TMEM53: variants seen among roughly 807,000 people sequenced by gnomAD.
The protein encoded by TMEM53 is transmembrane protein 53.
TMEM53 carries 14 observed loss-of-function variants against 21.4 expected under a neutral mutation model. The ratio of observed to expected loss-of-function variants is 0.65; its 90% confidence interval spans 0.43 to 1.02. The LOEUF is 1.02. Among genes scored for constraint, TMEM53 ranks in the 50% least tolerant of loss-of-function variants. The pLI is 0.00. For synonymous variants in TMEM53, 148 were observed against 157.4 expected (o/e 0.94, Z 0.45); for missense variants, 323 against 383.6 (o/e 0.84, Z 1.32).
chr1:44,658,121 T>C (rs2148530109), intron 2 of TMEM53, among the ~76,000 whole-genome samples: 2 of 152,154 alleles, frequency 1.3e-5, no homozygotes, highest in East Asian at 3.9e-4. Flanking sequence ...CATATCCATC[T>C]CTGGCCACTC....
chr1:44,654,702 T>A lies in TMEM53; in HGVS notation c.691A>T (p.Met231Leu), dbSNP rs1229809177. ...EVVLARDIER[M>L]VEARLARRVL... ...CGGCGTGCCAGGCGTGCCTCCACCA[T>A]GCGTTCTATGTCTCTGGCCAGGACT... Residue 231 changes from methionine (M) to leucine (L), a missense_variant, in exon 3 of 3, where the codon ATG (methionine) becomes TTG (leucine). By Grantham distance (15) the Met-to-Leu change is conservative. This residue lies in a region of TMEM53 where 269 missense variants were observed against 334.5 expected (regional missense o/e 0.80). Transcript: ENST00000372237. This position sits in a 1 kb window ranked among gnomAD's most constrained non-coding sequence, Gnocchi z 7.0. 1 of 1,614,000 alleles carries A rather than the reference T, an allele frequency of 6.2e-7. No homozygotes were observed. Among genetic ancestry groups the A allele is most frequent in the Non-Finnish European group, 8.5e-7 (1 of 1,179,992 alleles).
At chr1:44,660,927 T>C (rs1405733612) in intron 1 of TMEM53, among the ~76,000 whole-genome samples, 1 of 150,232 alleles carries the variant, frequency 6.7e-6, no homozygotes, top group East Asian at 2.0e-4. Context: ...GAGCCGAGAT[T>C]GAGCCACTGC....
chr1:44,662,963 C>T (rs1573225803), intron 1 of TMEM53, among the ~76,000 whole-genome samples: 1 of 152,220 alleles, frequency 6.6e-6, no homozygotes, highest in East Asian at 1.9e-4. Flanking sequence ...TGACTCTTCA[C>T]CCTCCATGAA....
chr1:44,669,128 AGTAATGCATACTCACT>A, intron 1 of TMEM53, among the ~76,000 whole-genome samples: 1 of 152,370 alleles, frequency 6.6e-6, no homozygotes, highest in East Asian at 1.9e-4. Context: ...TTACTTCACA[AGTAATGCATACTCACT>A]GTAGAAAAAG....
chr1:44,661,558 G>A (rs139785198), intron 1 of TMEM53, among the ~76,000 whole-genome samples: 4 of 152,226 alleles, frequency 2.6e-5, no homozygotes, highest in Non-Finnish European at 5.9e-5. Flanking sequence ...AGGGACATGA[G>A]GCTGACTCTG....
At chr1:44,671,624 T>C (rs1239927796) in intron 1 of TMEM53, among the ~76,000 whole-genome samples, 1 of 151,164 alleles carries the variant, frequency 6.6e-6, no homozygotes, top group Non-Finnish European at 1.5e-5. Flanking sequence ...TTTTTTAAAC[T>C]GAAAAAAAAA....
At chr1:44,666,954 C>G (rs1361680024) in intron 1 of TMEM53, among the ~76,000 whole-genome samples, 1 of 152,064 alleles carries the variant, frequency 6.6e-6, no homozygotes, top group Admixed American at 6.5e-5. Context: ...AAGCGATCCT[C>G]CCATCACAGC....
intron 1 of TMEM53, 29 bp downstream of exon 1, chr1:44,674,302 C>T: frequency 1.4e-5 from 23 of 1,594,668 alleles, no homozygotes; most frequent in Non-Finnish European, 1.9e-5. Context: ...GTCACCTCCC[C>T]GCGCCTGGAC....
In TMEM53 at chr1:44,674,345, G is replaced by A. The variant is rs764459763; in HGVS notation, c.47C>T (p.Pro16Leu). ...TCATTCCATACTCTGGCTCCAGCAGGGCTGATCCGGGATCTCGATGGTGTA... is the reference window on the plus strand; with the variant it reads ...TCATTCCATACTCTGGCTCCAGCAGAGCTGATCCGGGATCTCGATGGTGTA... Reference protein sequence around the residue: ...LDYTIEIPDQPCWSQKNSPSP... With the variant: ...LDYTIEIPDQLCWSQKNSPSP... Residue 16 changes from proline (P) to leucine (L), a missense_variant, in exon 1 of 3, where the codon CCC (proline) becomes CTC (leucine). Transcript: ENST00000372237. 3 of 1,612,776 alleles carry A rather than the reference G, an allele frequency of 1.9e-6. No homozygotes were observed. The highest frequency in any genetic ancestry group is 1.6e-4 in the Middle Eastern group (1 of 6,072).
intron 1 of TMEM53, among the ~76,000 whole-genome samples, chr1:44,665,207 G>A (rs1644938086): frequency 2.6e-5 from 4 of 152,146 alleles, no homozygotes; most frequent in Admixed American, 2.6e-4. Flanking sequence ...GAACAGGTAG[G>A]AGGCTACTGT....
chr1:44,660,540 C>T (rs978769401), intron 1 of TMEM53, among the ~76,000 whole-genome samples: 1 of 152,256 alleles, frequency 6.6e-6, no homozygotes, highest in Non-Finnish European at 1.5e-5. Context: ...GACTCGAAGA[C>T]AGCCCAAGTG....
intron 1 of TMEM53, among the ~76,000 whole-genome samples, chr1:44,660,919 G>A (rs1443154605): frequency 6.6e-6 from 1 of 150,690 alleles, no homozygotes; most frequent in Non-Finnish European, 1.5e-5. Flanking sequence ...CTTGCCGTGA[G>A]CCGAGATTGA....
chr1:44,660,515 G>A (rs1557493058), intron 1 of TMEM53, among the ~76,000 whole-genome samples: 1 of 152,184 alleles, frequency 6.6e-6, no homozygotes, highest in East Asian at 1.9e-4. Flanking sequence ...CAACACAAGG[G>A]CACCTTTCTT....
At chr1:44,673,706 G>T in intron 1 of TMEM53, 2 of 395,102 alleles carry the variant, frequency 5.1e-6, no homozygotes, top group Non-Finnish European at 6.9e-6. Flanking sequence ...TATGAGGAAG[G>T]TTACTATCCT....
intron 1 of TMEM53, chr1:44,673,831 G>C: frequency 1.0e-6 from 1 of 984,772 alleles, no homozygotes; most frequent in Non-Finnish European, 1.2e-6. Context: ...CGACGGCAGA[G>C]ACTGCACTGT....
At chr1:44,659,931 C>T (rs1157350846) in intron 2 of TMEM53, among the ~76,000 whole-genome samples, 4 of 147,032 alleles carry the variant, frequency 2.7e-5, no homozygotes, top group Admixed American at 1.4e-4. Flanking sequence ...ACAATCTCTG[C>T]TCATGCAACC....
chr1:44,673,621 T>A, intron 1 of TMEM53: 1 of 154,598 alleles, frequency 6.5e-6, no homozygotes, highest in East Asian at 1.9e-4. Flanking sequence ...GAAACAATGC[T>A]GATCGTAAAT....
At chr1:44,667,281 C>T (rs1252235688) in intron 1 of TMEM53, among the ~76,000 whole-genome samples, 2 of 151,238 alleles carry the variant, frequency 1.3e-5, no homozygotes, top group African/African-American at 2.4e-5. Flanking sequence ...CCCATATACA[C>T]ACACATACTA....
intron 1 of TMEM53, among the ~76,000 whole-genome samples, chr1:44,661,965 GC>G (rs1644906103): frequency 6.6e-6 from 1 of 152,190 alleles, no homozygotes; most frequent in Non-Finnish European, 1.5e-5. Flanking sequence ...CAGTTAATCT[GC>G]CCTCCCAAAA....
Sources: allele counts gnomAD v4.1 joint callset (sites outside exome capture counted in the v4.1 genomes callset), GRCh38; gene constraint gnomAD v4.1.1; regional missense constraint gnomAD v4.1.1; non-coding constraint Gnocchi (gnomAD v3.1); transcripts MANE v1.5; gene names NCBI Gene and HGNC (gene_info 2026-07-23, HGNC 2026-07-21).